The following MYLK variants were observed in gnomAD, a reference collection of about 807,000 sequenced individuals.
MYLK encodes myosin light chain kinase, also known as myosin light chain kinase, smooth muscle.
In MYLK, 106 loss-of-function variants were observed where a neutral mutation model predicts 203.4. The ratio of observed to expected loss-of-function variants is 0.52; its 90% confidence interval spans 0.45 to 0.61. MYLK has a LOEUF of 0.61. Ranked by LOEUF, MYLK falls within the 20% of genes least tolerant of loss-of-function variation. The pLI is 0.00. For missense variants in MYLK, 2,072 were observed against 2,442.3 expected (o/e 0.85, Z 3.20); for synonymous variants, 867 against 959.5 (o/e 0.90, Z 1.78).
At chr3:123,830,447 A>G (rs2066285039) in intron 3 of MYLK, among the ~76,000 whole-genome samples, 1 of 152,206 alleles carries the variant, frequency 6.6e-6, no homozygotes, top group Non-Finnish European at 1.5e-5. Flanking sequence ...CAGGCCCTAC[A>G]TACTTCGATA....
intron 18 of MYLK, among the ~76,000 whole-genome samples, chr3:123,694,616 G>T (rs780312920): frequency 2.3e-4 from 35 of 152,216 alleles, no homozygotes; most frequent in Admixed American, 7.9e-4. Flanking sequence ...TCAAATCCTT[G>T]ATTTTCTTTC....
At chr3:123,701,652 T>C in intron 16 of MYLK, 143 bp from the exon 17 acceptor site, 1 of 773,816 alleles carries the variant, frequency 1.3e-6, no homozygotes, top group Non-Finnish European at 2.3e-6. Context: ...AGCCTTAGAT[T>C]TAGGGCAGGA....
At chr3:123,877,093 C>A (rs1474615508) in intron 1 of MYLK, among the ~76,000 whole-genome samples, 1 of 152,104 alleles carries the variant, frequency 6.6e-6, no homozygotes, top group Non-Finnish European at 1.5e-5. Flanking sequence ...GATAGAAGAA[C>A]CTGTCAATCA....
chr3:123,796,842 C>G (rs1471909925), intron 3 of MYLK, among the ~76,000 whole-genome samples: 1 of 152,126 alleles, frequency 6.6e-6, no homozygotes, highest in Non-Finnish European at 1.5e-5. Flanking sequence ...TGTAGTCTTT[C>G]TGGAAAGCAA....
At chr3:123,768,935 T>C (rs1054159815) in intron 4 of MYLK, among the ~76,000 whole-genome samples, 1 of 152,228 alleles carries the variant, frequency 6.6e-6, no homozygotes, top group African/African-American at 2.4e-5. Context: ...CCACTTGCTC[T>C]GCCTCTAGAG....
intron 2 of MYLK, among the ~76,000 whole-genome samples, chr3:123,845,129 A>G (rs1210213144): frequency 6.6e-6 from 1 of 152,222 alleles, no homozygotes. Flanking sequence ...TCTGGGTTCT[A>G]GTCCTTTTTG....
At chr3:123,623,962 G>C (rs2058005216) in intron 31 of MYLK, 1 of 152,026 alleles carries the variant, frequency 6.6e-6, no homozygotes, top group Non-Finnish European at 1.5e-5. Context: ...TTCATTCTCT[G>C]AATTCTACCC....
intron 4 of MYLK, among the ~76,000 whole-genome samples, chr3:123,785,996 T>C (rs1222102024): frequency 6.6e-6 from 1 of 152,124 alleles, no homozygotes; most frequent in Non-Finnish European, 1.5e-5. Flanking sequence ...AAATTATAAA[T>C]TGATTAAAAA....
At chr3:123,883,900 G>T (rs925990839) in intron 1 of MYLK, among the ~76,000 whole-genome samples, 1 of 152,086 alleles carries the variant, frequency 6.6e-6, no homozygotes, top group African/African-American at 2.4e-5. Context: ...TGGGAGCTGG[G>T]AGAAGGGTCC....
intron 20 of MYLK, among the ~76,000 whole-genome samples, chr3:123,668,924 G>A (rs1419278132): frequency 2.6e-5 from 4 of 152,176 alleles, no homozygotes; most frequent in Non-Finnish European, 5.9e-5. Flanking sequence ...AATGGGCCTG[G>A]CACACAATAA....
At chr3:123,666,378 C>A (rs965531778) in intron 21 of MYLK, 32 bp from the exon 22 acceptor site, 1 of 1,613,956 alleles carries the variant, frequency 6.2e-7, no homozygotes, top group African/African-American at 1.3e-5. Flanking sequence ...GTGAGCGAGG[C>A]AGAAGGGTCT....
intron 2 of MYLK, among the ~76,000 whole-genome samples, chr3:123,840,805 A>G (rs1027206711): frequency 1.3e-5 from 2 of 152,086 alleles, no homozygotes; most frequent in African/African-American, 4.8e-5. Context: ...GAAAAAAACT[A>G]CATAATCATT....
In MYLK at chr3:123,613,799, C is replaced by G; in HGVS notation, c.*306G>C. The G allele has an allele frequency of 2.6e-6, 1 of 381,168 alleles. No homozygotes were observed. Among genetic ancestry groups the G allele is most frequent in the Non-Finnish European group, 4.9e-6 (1 of 203,612 alleles). 23.6% of individuals were successfully genotyped at this position (381,168 alleles called of 1,614,324 possible). ...TTCAAGTGGAGAATTTATGACTTTG[C>G]CCAGATAAATATTTGGTTTGGTTAC... On this transcript the variant is annotated 3_prime_UTR_variant, in exon 34 of 34. Transcript: ENST00000360304.
intron 20 of MYLK, among the ~76,000 whole-genome samples, chr3:123,679,150 T>C (rs1237392846): frequency 6.6e-6 from 1 of 151,834 alleles, no homozygotes; most frequent in Non-Finnish European, 1.5e-5. Flanking sequence ...CTACTAAAAA[T>C]ACAAAAATTA....
intron 1 of MYLK, among the ~76,000 whole-genome samples, chr3:123,877,035 T>A (rs2033193034): frequency 6.6e-6 from 1 of 152,160 alleles, no homozygotes; most frequent in South Asian, 2.1e-4. Flanking sequence ...GGGGGCAGTA[T>A]CTGACAGTTA....
intron 9 of MYLK, chr3:123,734,924 G>T: frequency 4.1e-6 from 1 of 245,118 alleles, no homozygotes; most frequent in Non-Finnish European, 8.2e-6. Flanking sequence ...CCTTCCTGTT[G>T]TCCTTCCTCA....
intron 20 of MYLK, among the ~76,000 whole-genome samples, chr3:123,670,568 A>T (rs942033777): frequency 7.9e-5 from 12 of 152,164 alleles, no homozygotes; most frequent in Non-Finnish European, 1.5e-4. Context: ...TAACCTGGGC[A>T]ACACGGCAAG....
chr3:123,646,904 C>T lies in MYLK; in HGVS notation c.4619+320G>A, dbSNP rs1444051417. On this transcript the variant is annotated intron_variant, in intron 27 of 33. Coordinates refer to ENST00000360304, the MANE Select transcript of MYLK (RefSeq NM_053025.4). ...GAATGCCCCAAATGAAACCAAGGAG[C>T]CTAGGGATAGCTTTGGCCCTTTCAT... is the stretch of plus-strand genomic sequence containing the variant. 8 of 377,416 alleles carry T rather than the reference C, an allele frequency of 2.1e-5. No individual in the cohort carries two copies. The South Asian group carries it at 2.1e-4, about 10-fold the overall frequency. The allele number at this position is 377,416 out of a possible 1,614,324, so 23.4% of individuals were successfully genotyped here.
At chr3:123,651,678 G>A (rs1022766338) in intron 24 of MYLK, among the ~76,000 whole-genome samples, 1 of 152,230 alleles carries the variant, frequency 6.6e-6, no homozygotes, top group Non-Finnish European at 1.5e-5. Context: ...CCCGGCAGCA[G>A]GAGGCTTTCC....
Sources: gnomAD v4.1 joint callset for allele counts (sites outside exome capture counted in the v4.1 genomes callset) on GRCh38, gnomAD v4.1.1 for gene constraint, MANE v1.5 for transcripts, NCBI Gene and HGNC (gene_info 2026-07-23, HGNC 2026-07-21) for gene names.